Variants in TRDMT1 observed in about 807,000 individuals in gnomAD.
TRDMT1 encodes the protein tRNA (cytosine(38)-C(5))-methyltransferase.
In TRDMT1, 49 loss-of-function variants were observed where a neutral mutation model predicts 51.2. The ratio of observed to expected loss-of-function variants is 0.96; its 90% CI spans 0.76 to 1.21. TRDMT1 has a LOEUF of 1.21. Among genes scored for constraint, TRDMT1 ranks in the 50% most tolerant of loss-of-function variants. TRDMT1 has a pLI of 0.00. For missense variants in TRDMT1, 534 were observed against 462.3 expected, an observed-to-expected ratio of 1.16 and a Z score of -1.42; for synonymous variants, 187 against 164.6, an observed-to-expected ratio of 1.14 and a Z score of -1.04.
At chr10:17,172,646 T>C (rs61841796) in intron 2 of TRDMT1, among the ~76,000 whole-genome samples, 20,874 of 152,232 alleles carry the variant, frequency 0.14, 1,529 homozygotes, top group Admixed American at 0.17. Context: ...AGAAAAATTA[T>C]ATCACATGCA....
Position 17,154,709 on chromosome 10 carries a change from C to G in TRDMT1, c.913G>C (p.Gly305Arg). 6.2e-7 allele frequency: 1 copy of G among 1,605,768 alleles called. No individual in the cohort carries two copies. Residue 305 changes from glycine (G) to arginine (R), a missense_variant, in exon 9 of 11, where the codon GGG (glycine) becomes CGG (arginine). Transcript: ENST00000377799. ...TCCTCTGCAGTCTGTAACACAGACC[C>G]TGTCCCTTCTATGTAGCTTCCATAT... is the stretch of plus-strand genomic sequence containing the variant. ...KGYGSYIEGT[G>R]SVLQTAEDVQ...
At chr10:17,192,553 G>A (rs1423105732) in intron 1 of TRDMT1, among the ~76,000 whole-genome samples, 5 of 152,260 alleles carry the variant, frequency 3.3e-5, no homozygotes, top group Admixed American at 6.5e-5. Flanking sequence ...CACGCACTAA[G>A]GAGCACTGTT....
chr10:17,157,738 T>C lies in TRDMT1; in HGVS notation c.590A>G (p.Tyr197Cys), dbSNP rs752866454. 12 of 1,609,828 alleles carry C rather than the reference T, an allele frequency of 7.5e-6. No individual in the cohort carries two copies. In the African/African-American group the frequency reaches 8.0e-5, roughly 11 times the overall value. ...AATTTTATTTTCTACATCCATTGCA[T>C]ATTTTTGTGGATGTACAGATTCAAT... ...PKIESVHPQK[Y>C]AMDVENKIQE... Residue 197 changes from tyrosine (Y) to cysteine (C), a missense_variant, in exon 8 of 11, where the codon TAT becomes TGT. Transcript: ENST00000377799.
In TRDMT1 at chr10:17,144,318, A is replaced by T. The variant is rs1271857951; in HGVS notation, c.*4722T>A. 2.0e-6 allele frequency: 2 copies of T among 985,424 alleles called. No individual in the cohort carries two copies. Among genetic ancestry groups the T allele is most frequent in the South Asian group, 9.4e-5 (2 of 21,286 alleles). 61.0% of individuals were successfully genotyped at this position (985,424 alleles called of 1,614,324 possible). ...AAATCAAAATGCAAACAAAATACAG[A>T]GCAAATATTTGAAGTAAACACTGAA... is the stretch of plus-strand genomic sequence containing the variant. On this transcript the variant is annotated 3_prime_UTR_variant, in exon 11 of 11. Coordinates refer to ENST00000377799, the MANE Select transcript of TRDMT1 (RefSeq NM_004412.7).
At position 17,147,270 on chromosome 10, in the gene TRDMT1, C is replaced by T. The variant is rs1231513689; in HGVS notation, c.*1770G>A. On this transcript the variant is annotated 3_prime_UTR_variant, in exon 11 of 11. Transcript: ENST00000377799. ...AGACTTGTAATAGGCTCTGTCTGAA[C>T]ACATATGAAAAATGTAGATAGTGAT... 2.0e-6 allele frequency: 2 copies of T among 985,654 alleles called. No individual in the cohort carries two copies. The highest frequency in any genetic ancestry group is 2.4e-6 in the Non-Finnish European group (2 of 829,910). 61.1% of individuals were successfully genotyped at this position (985,654 alleles called of 1,614,324 possible).
At chr10:17,155,248 A>G (rs1839343520) in intron 8 of TRDMT1, among the ~76,000 whole-genome samples, 1 of 152,176 alleles carries the variant, frequency 6.6e-6, no homozygotes, top group Non-Finnish European at 1.5e-5. Context: ...TGTCTCAGAA[A>G]TGAAACATGG....
chr10:17,157,382 A>G, intron 8 of TRDMT1, 59 bp downstream of exon 8: 2 of 1,423,362 alleles, frequency 1.4e-6, no homozygotes, highest in Non-Finnish European at 1.9e-6. Flanking sequence ...TTAAAGAAAC[A>G]ATAGCTTTAA....
At chr10:17,160,270 T>A in intron 6 of TRDMT1, 35 bp downstream of exon 6, 1 of 1,339,200 alleles carries the variant, frequency 7.5e-7, no homozygotes. Context: ...CTTTAAATTA[T>A]AATTTATATA....
chr10:17,201,511 C>A (rs7910436), intron 1 of TRDMT1, 60 bp downstream of exon 1: 1 of 1,478,286 alleles, frequency 6.8e-7, no homozygotes, highest in East Asian at 2.6e-5. Context: ...CTTCCCGGCG[C>A]GGGTGCTCCA....
At position 17,150,475 on chromosome 10, in the gene TRDMT1, G is replaced by A. The variant is rs1043765653; in HGVS notation, c.1076-1335C>T. ...CCTTTCTTAAAACAAAAAGGCCCAT[G>A]GATCCCTTATATGCTGGAAGAAGGC... On this transcript the variant is annotated intron_variant, in intron 10 of 10. Transcript: ENST00000377799. 5 of 985,184 alleles carry A rather than the reference G, an allele frequency of 5.1e-6. No individual in the cohort carries two copies. In the African/African-American group the frequency reaches 8.7e-5, roughly 17 times the overall value. The allele number at this position is 985,184 out of a possible 1,614,324, so 61.0% of individuals were successfully genotyped here. A position where few individuals can be genotyped will look rare whatever the true frequency, so the allele number is the denominator to read the frequency against.
Position 17,160,385 on chromosome 10 carries a change from A to T in TRDMT1, c.390-11T>A. 1 of 1,493,032 alleles carries T rather than the reference A, an allele frequency of 6.7e-7. No homozygotes were observed. The highest frequency in any genetic ancestry group is 9.0e-7 in the Non-Finnish European group (1 of 1,115,072). 92.5% of individuals were successfully genotyped at this position (1,493,032 alleles called of 1,614,324 possible). On this transcript the variant is annotated splice_polypyrimidine_tract_variant and intron_variant, in intron 5 of 10. Coordinates refer to ENST00000377799, the MANE Select transcript of TRDMT1 (RefSeq NM_004412.7). ...TGTATCAAGAGGTCTCTAAAAAGAAAAAAAAAAAACTTTAATTCTTACTTG... is the reference window on the plus strand; with the variant it reads ...TGTATCAAGAGGTCTCTAAAAAGAATAAAAAAAAACTTTAATTCTTACTTG...
intron 10 of TRDMT1, among the ~76,000 whole-genome samples, chr10:17,149,674 T>C (rs1259403518): frequency 6.6e-6 from 1 of 152,132 alleles, no homozygotes; most frequent in Non-Finnish European, 1.5e-5. Context: ...CAACCATTAA[T>C]CTACTTTCTG....
chr10:17,146,637 T>C lies in TRDMT1; in HGVS notation c.*2403A>G, dbSNP rs555805266. The C allele has an allele frequency of 3.9e-4, 389 of 985,272 alleles. No homozygotes were observed. Among genetic ancestry groups the C allele is most frequent in the Non-Finnish European group, 4.4e-4 (364 of 829,872 alleles). The allele number at this position is 985,272 out of a possible 1,614,324, so 61.0% of individuals were successfully genotyped here. ...ATGATGGGAAAAGGAGAACGAAAAA[T>C]CGGTTTACTGTAAGGTATGGTGAAG... On this transcript the variant is annotated 3_prime_UTR_variant, in exon 11 of 11. Transcript: ENST00000377799.
In TRDMT1 at chr10:17,137,993, G is replaced by A. The variant is rs572859070; in HGVS notation, c.*11047C>T. On this transcript the variant is annotated 3_prime_UTR_variant, in exon 11 of 11. Coordinates refer to ENST00000377799, the MANE Select transcript of TRDMT1 (RefSeq NM_004412.7). ...AGGGGGATGTTCTTTTATCTTGAGT[G>A]CAATAATCCTTATGTGATATTTCTG... 1.4e-4 allele frequency among the ~76,000 whole-genome samples: 22 copies of A among 152,246 alleles called. No homozygotes were observed. The highest frequency in any genetic ancestry group is 1.3e-3 in the Admixed American group (20 of 15,298).
chr10:17,201,504 C>G (rs1846171374), intron 1 of TRDMT1, 67 bp downstream of exon 1: 1 of 1,496,564 alleles, frequency 6.7e-7, no homozygotes, highest in Non-Finnish European at 9.0e-7. Flanking sequence ...TCCGCCCCTT[C>G]CCGGCGCGGG....
chr10:17,201,670 C>G lies in TRDMT1; in HGVS notation c.-36G>C, dbSNP rs1846215929. The G allele has an allele frequency of 6.5e-7, 1 of 1,530,376 alleles. No individual in the cohort carries two copies. 94.8% of individuals were successfully genotyped at this position (1,530,376 alleles called of 1,614,324 possible). On this transcript the variant is annotated 5_prime_UTR_variant, in exon 1 of 11. Transcript: ENST00000377799. ...CAGCCGCCGCAGCCCCGGAGCTAGG[C>G]CTGCCGGTCCGTCGCTCCTCCTCCC... is the stretch of plus-strand genomic sequence containing the variant.
Position 17,150,942 on chromosome 10 carries a change from G to A in TRDMT1, c.1076-1802C>T, listed in dbSNP as rs574873188. 4.1e-6 allele frequency: 4 copies of A among 985,234 alleles called. No individual in the cohort carries two copies. In the South Asian group the frequency reaches 1.4e-4, roughly 35 times the overall value. 61.0% of individuals were successfully genotyped at this position (985,234 alleles called of 1,614,324 possible). On this transcript the variant is annotated intron_variant, in intron 10 of 10. Coordinates refer to ENST00000377799, the MANE Select transcript of TRDMT1 (RefSeq NM_004412.7). ...CTTTTGCAATATTACAATTACCTCA[G>A]AAGGAAAGAAAGGTTTGAAAACAAA...
At chr10:17,195,515 G>A (rs1226490747) in intron 1 of TRDMT1, among the ~76,000 whole-genome samples, 1 of 152,022 alleles carries the variant, frequency 6.6e-6, no homozygotes, top group East Asian at 1.9e-4. Flanking sequence ...CAGTGCCTGG[G>A]TGGTGGGATC....
At chr10:17,169,474 A>G in intron 2 of TRDMT1, 2 of 1,289,760 alleles carry the variant, frequency 1.6e-6, no homozygotes, top group African/African-American at 1.5e-5. Flanking sequence ...ATGACTGTTG[A>G]CAAGATGCAT....
Sources: gnomAD v4.1 joint callset for allele counts (sites outside exome capture counted in the v4.1 genomes callset) on GRCh38, gnomAD v4.1.1 for gene constraint, MANE v1.5 for transcripts, NCBI Gene and HGNC (gene_info 2026-07-23, HGNC 2026-07-21) for gene names.